The following DCC variants were observed in gnomAD, a reference collection of about 807,000 sequenced individuals.
DCC encodes the protein netrin receptor DCC.
In DCC, 58 loss-of-function variants were observed where a neutral mutation model predicts 172.5. The ratio of observed to expected loss-of-function variants is 0.34; its 90% CI spans 0.27 to 0.42. DCC has a LOEUF of 0.42. Ranked by LOEUF, DCC falls within the 10% of genes least tolerant of loss-of-function variation. The pLI is 1.00. For missense variants in DCC, 1,740 were observed against 1,791.0 expected, an observed-to-expected ratio of 0.97 and a Z score of 0.51; for synonymous variants, 709 against 644.5, an observed-to-expected ratio of 1.10 and a Z score of -1.52.
In DCC at chr18:52,709,523, G is replaced by A. The variant is rs563917697; in HGVS notation, c.92-42531G>A. 2.0e-5 allele frequency among the ~76,000 whole-genome samples: 3 copies of A among 152,242 alleles called. No homozygotes were observed. The South Asian group carries it at 6.2e-4, about 32-fold the overall frequency. Reference sequence around the variant, plus strand: ...TCAGCAGTGACATCTCCCAGTGACCGCTGGAAGGAACTTGACCTGTGTGTG... The same window carrying A: ...TCAGCAGTGACATCTCCCAGTGACCACTGGAAGGAACTTGACCTGTGTGTG... On this transcript the variant is annotated intron_variant, in intron 1 of 28. Coordinates refer to ENST00000442544, the MANE Select transcript of DCC (RefSeq NM_005215.4).
intron 1 of DCC, among the ~76,000 whole-genome samples, chr18:52,700,194 ACG>A (rs2036087318): frequency 3.4e-5 from 5 of 145,356 alleles, no homozygotes; most frequent in Non-Finnish European, 6.1e-5. Flanking sequence ...ACGCACACAC[ACG>A]CACATACACA....
chr18:52,515,017 A>T (rs907946873), intron 1 of DCC, among the ~76,000 whole-genome samples: 1 of 152,206 alleles, frequency 6.6e-6, no homozygotes, highest in Admixed American at 6.5e-5. Context: ...GTAAATAAAA[A>T]CTACAGTTCA....
At chr18:52,977,900 A>G (rs972715053) in intron 5 of DCC, among the ~76,000 whole-genome samples, 3 of 144,496 alleles carry the variant, frequency 2.1e-5, no homozygotes, top group Non-Finnish European at 4.6e-5. Flanking sequence ...AAAAAAGAAA[A>G]GAAAAAAGAA....
chr18:52,878,661 A>C (rs1401434053), intron 2 of DCC, among the ~76,000 whole-genome samples: 3 of 152,176 alleles, frequency 2.0e-5, no homozygotes, highest in African/African-American at 7.2e-5. Context: ...TGTTATTTTT[A>C]CTTATTTGTT....
intron 1 of DCC, among the ~76,000 whole-genome samples, chr18:52,689,401 C>A (rs1317671376): frequency 6.6e-6 from 1 of 152,024 alleles, no homozygotes; most frequent in Non-Finnish European, 1.5e-5. Flanking sequence ...ATGAAAAATT[C>A]ATAAGAAATA....
intron 1 of DCC, among the ~76,000 whole-genome samples, chr18:52,429,791 T>C (rs577135127): frequency 1.3e-5 from 2 of 152,254 alleles, no homozygotes; most frequent in African/African-American, 4.8e-5. Context: ...GTAACAGTCA[T>C]AGATATGCTG....
chr18:52,714,201 C>T (rs538772735), intron 1 of DCC, among the ~76,000 whole-genome samples: 1 of 152,318 alleles, frequency 6.6e-6, no homozygotes, highest in Non-Finnish European at 1.5e-5. Flanking sequence ...GTCTATCTGA[C>T]CACAGGGTCC....
chr18:53,484,448 T>C (rs568414004), intron 25 of DCC, among the ~76,000 whole-genome samples: 25 of 151,964 alleles, frequency 1.6e-4, no homozygotes, highest in Non-Finnish European at 3.5e-4. Context: ...TGCAGTTTCA[T>C]TTATTTATTT....
intron 7 of DCC, among the ~76,000 whole-genome samples, chr18:53,156,564 T>A (rs1327813750): frequency 6.6e-6 from 1 of 152,180 alleles, no homozygotes; most frequent in African/African-American, 2.4e-5. Flanking sequence ...TGATTTTTCT[T>A]TGTCAGAAAT....
intron 1 of DCC, among the ~76,000 whole-genome samples, chr18:52,541,944 CTATATAAAATA>C (rs1156655446): frequency 7.5e-6 from 1 of 133,962 alleles, no homozygotes; most frequent in East Asian, 2.0e-4. Flanking sequence ...AAGACTTAGA[CTATATAAAATA>C]TATACACTAT....
intron 2 of DCC, among the ~76,000 whole-genome samples, chr18:52,875,165 C>T (rs892260100): frequency 1.3e-5 from 2 of 151,708 alleles, no homozygotes; most frequent in African/African-American, 4.8e-5. Flanking sequence ...TCTCACCACC[C>T]AGAAAGGCTT....
chr18:52,745,726 A>G (rs926072963), intron 1 of DCC, among the ~76,000 whole-genome samples: 2 of 152,216 alleles, frequency 1.3e-5, no homozygotes, highest in African/African-American at 4.8e-5. Flanking sequence ...GCTATAGAGC[A>G]TTAGAACTTA....
intron 1 of DCC, among the ~76,000 whole-genome samples, chr18:52,518,551 T>C (rs1178932577): frequency 6.6e-6 from 1 of 152,228 alleles, no homozygotes; most frequent in Non-Finnish European, 1.5e-5. Context: ...GAAATCCTTC[T>C]GACTTGGTGT....
intron 5 of DCC, among the ~76,000 whole-genome samples, chr18:53,061,479 G>T (rs2144074207): frequency 6.6e-6 from 1 of 152,226 alleles, no homozygotes; most frequent in African/African-American, 2.4e-5. Context: ...TTCAGAAACA[G>T]AAAGGATGGA....
At chr18:52,988,799 CAT>C (rs2041335728) in intron 5 of DCC, among the ~76,000 whole-genome samples, 1 of 152,010 alleles carries the variant, frequency 6.6e-6, no homozygotes, top group African/African-American at 2.4e-5. Context: ...AAATCACACA[CAT>C]GTAATTTTTT....
chr18:52,387,544 G>C (rs1985849402), intron 1 of DCC, among the ~76,000 whole-genome samples: 1 of 150,796 alleles, frequency 6.6e-6, no homozygotes, highest in Non-Finnish European at 1.5e-5. Flanking sequence ...CAATGCAAGG[G>C]AGGGCAAAGC....
At chr18:53,178,017 T>C (rs540668732) in intron 8 of DCC, among the ~76,000 whole-genome samples, 4 of 152,318 alleles carry the variant, frequency 2.6e-5, no homozygotes, top group African/African-American at 9.6e-5. Flanking sequence ...AGTGTACGTA[T>C]AATTCCACTG....
intron 1 of DCC, among the ~76,000 whole-genome samples, chr18:52,743,603 G>A (rs907849808): frequency 7.2e-5 from 11 of 152,148 alleles, no homozygotes; most frequent in African/African-American, 2.2e-4. Flanking sequence ...TTTACCATTG[G>A]ATTTAGCCAG....
chr18:53,459,208 T>A (rs1327461703), intron 23 of DCC, 24 bp from the exon 24 acceptor site: 2 of 1,578,902 alleles, frequency 1.3e-6, no homozygotes, highest in Admixed American at 3.3e-5. Flanking sequence ...GTTCTCACAT[T>A]TGCCTTCTAA....
Sources: gnomAD v4.1 joint callset for allele counts (sites outside exome capture counted in the v4.1 genomes callset) on GRCh38, gnomAD v4.1.1 for gene constraint, MANE v1.5 for transcripts, NCBI Gene and HGNC (gene_info 2026-07-23, HGNC 2026-07-21) for gene names.